MAP2K4: variants seen among roughly 807,000 people sequenced by gnomAD.
MAP2K4 encodes the protein mitogen-activated protein kinase kinase 4, also known as dual specificity mitogen-activated protein kinase kinase 4.
MAP2K4 carries 4 observed loss-of-function variants against 48.5 expected under a neutral mutation model. That is an observed-to-expected ratio of 0.08 (90% CI 0.04 to 0.19). The LOEUF is 0.19. MAP2K4 is among the 10% of genes least tolerant of loss of function. MAP2K4 has a pLI of 1.00. For missense variants in MAP2K4, 258 were observed against 493.3 expected (o/e 0.52, Z 4.52); for synonymous variants, 166 against 173.1 (o/e 0.96, Z 0.32).
At chr17:12,086,953 T>C (rs1044480004) in intron 3 of MAP2K4, among the ~76,000 whole-genome samples, 1 of 152,116 alleles carries the variant, frequency 6.6e-6, no homozygotes, top group Non-Finnish European at 1.5e-5. Flanking sequence ...TTCAAGTGAT[T>C]CTCCTGCCTC....
intron 1 of MAP2K4, among the ~76,000 whole-genome samples, chr17:12,042,682 G>A (rs746361752): frequency 2.0e-5 from 3 of 151,536 alleles, no homozygotes; most frequent in Non-Finnish European, 2.9e-5. Context: ...CTATGGAGTC[G>A]AAAAGAAGGA....
chr17:12,109,339 TCACTTTATATATATTAAGCA>T (rs1453209033), intron 5 of MAP2K4, among the ~76,000 whole-genome samples: 2 of 152,198 alleles, frequency 1.3e-5, no homozygotes, highest in East Asian at 3.9e-4. Context: ...GACTTGGTGA[TCACTTTATATATATTAAGCA>T]CACATGTAAA....
rs148001142 is a variant in MAP2K4 at position 12,134,949 on chromosome 17, C to A, written c.1041-4890C>A. 1.6e-3 allele frequency among the ~76,000 whole-genome samples: 242 copies of A among 152,356 alleles called. 2 individuals carry two copies. In the East Asian group the frequency reaches 0.045, roughly 28 times the overall value. On this transcript the variant is annotated intron_variant, in intron 9 of 10. Coordinates refer to ENST00000353533, the MANE Select transcript of MAP2K4 (RefSeq NM_003010.4). ...GGTCTCACTCACTCTGTCACCCAGA[C>A]TGGAGTGCAGTGGCATGATTGCAGC...
At chr17:12,122,717 TAA>T (rs1972731389) in intron 7 of MAP2K4, among the ~76,000 whole-genome samples, 1 of 152,192 alleles carries the variant, frequency 6.6e-6, no homozygotes, top group Non-Finnish European at 1.5e-5. Flanking sequence ...TGCCCAATAT[TAA>T]TTAAAAAGAA....
At chr17:12,030,672 A>G (rs147628710) in intron 1 of MAP2K4, among the ~76,000 whole-genome samples, 150 of 152,338 alleles carry the variant, frequency 9.8e-4, no homozygotes, top group Non-Finnish European at 1.7e-3. Flanking sequence ...AACCTTACAT[A>G]TAGATCCAAC....
chr17:12,022,685 A>T (rs1213632090), intron 1 of MAP2K4, among the ~76,000 whole-genome samples: 1 of 152,232 alleles, frequency 6.6e-6, no homozygotes, highest in Non-Finnish European at 1.5e-5. Context: ...AGAATTGAAC[A>T]TCTCTAACTG....
chr17:12,035,594 T>C (rs1320313010), intron 1 of MAP2K4, among the ~76,000 whole-genome samples: 2 of 152,226 alleles, frequency 1.3e-5, no homozygotes, highest in Non-Finnish European at 2.9e-5. Flanking sequence ...AGGACTGATT[T>C]CTCCACTGTT....
intron 1 of MAP2K4, among the ~76,000 whole-genome samples, chr17:12,052,943 C>T (rs1180496166): frequency 1.3e-5 from 2 of 152,034 alleles, no homozygotes; most frequent in East Asian, 3.8e-4. Flanking sequence ...CCTACCCCAG[C>T]GTCTCCAAAA....
At chr17:12,128,591 C>G (rs928740682) in intron 8 of MAP2K4, among the ~76,000 whole-genome samples, 2 of 152,084 alleles carry the variant, frequency 1.3e-5, no homozygotes, top group Non-Finnish European at 2.9e-5. Context: ...TTGATTTCTT[C>G]ACTACTTGTA....
Position 12,044,410 on chromosome 17 carries a change from A to G in MAP2K4, c.116-10479A>G, listed in dbSNP as rs181023683. Among the ~76,000 whole-genome samples, 15 of 152,326 alleles carry G rather than the reference A, an allele frequency of 9.8e-5. No individual in the cohort carries two copies. In the East Asian group the frequency reaches 2.7e-3, roughly 27 times the overall value. On this transcript the variant is annotated intron_variant, in intron 1 of 10. Coordinates refer to ENST00000353533, the MANE Select transcript of MAP2K4 (RefSeq NM_003010.4). The stretch of plus-strand genomic sequence containing the variant: ...TACTTGCTAATGAAGTTCATATAGA[A>G]TTGAAGTGCAGAAGAGTTAATTACT...
intron 2 of MAP2K4, among the ~76,000 whole-genome samples, chr17:12,068,096 A>G (rs1039587091): frequency 3.3e-5 from 5 of 152,202 alleles, no homozygotes; most frequent in African/African-American, 9.6e-5. Flanking sequence ...AAGGTGGGAA[A>G]TATTCAACTT....
At chr17:12,136,149 A>G (rs1042224071) in intron 9 of MAP2K4, among the ~76,000 whole-genome samples, 13 of 152,226 alleles carry the variant, frequency 8.5e-5, no homozygotes, top group African/African-American at 3.1e-4. Context: ...CTAGGACTAA[A>G]TGATTCCAAA....
intron 2 of MAP2K4, among the ~76,000 whole-genome samples, chr17:12,062,266 C>T (rs1970474651): frequency 6.6e-6 from 1 of 152,038 alleles, no homozygotes; most frequent in African/African-American, 2.4e-5. Flanking sequence ...CTAAGTCTTC[C>T]TGAGATAAGA....
At position 12,081,589 on chromosome 17, in the gene MAP2K4, C is replaced by T; in HGVS notation, c.393+59C>T. The T allele has an allele frequency of 6.6e-7, 1 of 1,506,786 alleles. No individual in the cohort carries two copies. The highest frequency in any genetic ancestry group is 9.1e-7 in the Non-Finnish European group (1 of 1,094,818). The allele number at this position is 1,506,786 out of a possible 1,614,324, so 93.3% of individuals were successfully genotyped here. Reference sequence around the variant, plus strand: ...ATCCATTAGGTGAAATTTCATGGTGCAGTAATACCACTGTTGTTGTGTTCC... The same window carrying T: ...ATCCATTAGGTGAAATTTCATGGTGTAGTAATACCACTGTTGTTGTGTTCC... On this transcript the variant is annotated intron_variant, in intron 3 of 10. Transcript: ENST00000353533. The surrounding 1 kb of genome is among the most constrained non-coding windows in gnomAD (Gnocchi z 4.2).
At chr17:12,038,878 T>C (rs1969689271) in intron 1 of MAP2K4, among the ~76,000 whole-genome samples, 1 of 152,182 alleles carries the variant, frequency 6.6e-6, no homozygotes, top group African/African-American at 2.4e-5. Flanking sequence ...GTTTTACTAA[T>C]TCTTGAAAGC....
At chr17:12,031,395 A>G (rs146349081) in intron 1 of MAP2K4, among the ~76,000 whole-genome samples, 1 of 152,324 alleles carries the variant, frequency 6.6e-6, no homozygotes, top group African/African-American at 2.4e-5. Context: ...GTTTAAACAC[A>G]AAGTTATTGT....
At position 12,143,769 on chromosome 17, in the gene MAP2K4, G is replaced by C. The variant is rs558202320; in HGVS notation, c.*2509G>C. The C allele has an allele frequency of 8.7e-6, 2 of 229,734 alleles. No individual in the cohort carries two copies. Among genetic ancestry groups the C allele is most frequent in the South Asian group, 3.6e-4 (2 of 5,508 alleles). The allele number at this position is 229,734 out of a possible 1,614,324, so 14.2% of individuals were successfully genotyped here. On this transcript the variant is annotated 3_prime_UTR_variant, in exon 11 of 11. Coordinates refer to ENST00000353533, the MANE Select transcript of MAP2K4 (RefSeq NM_003010.4). The stretch of plus-strand genomic sequence containing the variant: ...TTGATTTTCTGAAATCAGACCCTGA[G>C]AGGGGAAAATCTTAAAGTAAATTAC...
chr17:12,066,513 T>C (rs1261592675), intron 2 of MAP2K4, among the ~76,000 whole-genome samples: 2 of 152,076 alleles, frequency 1.3e-5, no homozygotes, highest in Non-Finnish European at 2.9e-5. Flanking sequence ...ACACATACCC[T>C]TTTCCTCCTC....
chr17:12,115,825 C>T, intron 7 of MAP2K4: 2 of 721,188 alleles, frequency 2.8e-6, no homozygotes, highest in African/African-American at 1.7e-5. Context: ...ACAGGAGCTG[C>T]ACTGTGCGAT....
Sources: allele counts gnomAD v4.1 joint callset (sites outside exome capture counted in the v4.1 genomes callset), GRCh38; gene constraint gnomAD v4.1.1; non-coding constraint Gnocchi (gnomAD v3.1); transcripts MANE v1.5; gene names NCBI Gene and HGNC (gene_info 2026-07-23, HGNC 2026-07-21).